Variants in SIGLEC1 observed in about 807,000 individuals in gnomAD.
SIGLEC1 encodes sialoadhesin.
Under a neutral mutation model 148.0 loss-of-function variants are expected in SIGLEC1, and 132 were observed. The observed-to-expected ratio is 0.89, with a 90% CI of 0.77 to 1.03. The LOEUF (loss-of-function observed/expected upper bound fraction) is 1.03, where lower values mean the gene tolerates loss of function less well. SIGLEC1 is among the 50% of genes least tolerant of loss of function. The pLI is 0.00. For synonymous variants in SIGLEC1, 945 were observed against 969.0 expected, an observed-to-expected ratio of 0.98 and a Z score of 0.46; for missense variants, 2,253 against 2,271.4, an observed-to-expected ratio of 0.99 and a Z score of 0.16.
Position 3,699,446 on chromosome 20 carries a change from G to A in SIGLEC1, c.1542C>T (p.Leu514=), listed in dbSNP as rs1169160416. 1.9e-6 allele frequency: 3 copies of A among 1,609,654 alleles called. No homozygotes were observed. The highest frequency in any genetic ancestry group is 3.4e-5 in the Admixed American group (2 of 59,522). The change falls in exon 8 of 22, where the codon CTC becomes CTT. Residue 514 remains leucine, a synonymous_variant. Transcript: ENST00000344754. ...LDFHANAARL[L]ISPAAEVVEG... is the part of the protein sequence containing the mutation. The stretch of plus-strand genomic sequence containing the variant: ...CCACCACCTCGGCTGCCGGGCTGAT[G>A]AGGAGACGGGCGGCTGCGGGGAGAG...
intron 1 of SIGLEC1, among the ~76,000 whole-genome samples, chr20:3,708,740 G>C (rs2087912522): frequency 6.6e-6 from 1 of 151,842 alleles, no homozygotes; most frequent in South Asian, 2.1e-4. Context: ...GACAGAGCAA[G>C]ACCCTGTCTG....
rs376814246 is a variant in SIGLEC1 at position 3,697,071 on chromosome 20, T to C, written c.2380+14A>G. 3 of 1,471,332 alleles carry C rather than the reference T, an allele frequency of 2.0e-6. No individual in the cohort carries two copies. In the African/African-American group the frequency reaches 4.3e-5, roughly 21 times the overall value. 91.1% of individuals were successfully genotyped at this position (1,471,332 alleles called of 1,614,324 possible). A position where few individuals can be genotyped will look rare whatever the true frequency, so the allele number is the denominator to read the frequency against. ...ACCCTCCAAGTCCCCAGGCTGCCCATGCCAGTCACCCACAGAGTACACTCA... is the reference window on the plus strand; with the variant it reads ...ACCCTCCAAGTCCCCAGGCTGCCCACGCCAGTCACCCACAGAGTACACTCA... On this transcript the variant is annotated intron_variant, in intron 10 of 21. Transcript: ENST00000344754.
At chr20:3,700,217 A>G (rs923562903) in intron 7 of SIGLEC1, among the ~76,000 whole-genome samples, 1 of 144,410 alleles carries the variant, frequency 6.9e-6, no homozygotes, top group Non-Finnish European at 1.5e-5. Flanking sequence ...TCCCAGGTTC[A>G]AGCAATTATC....
rs501538 is a variant in SIGLEC1, at chr20:3,696,710, T to C, written c.2559A>G (p.Lys853=). ...CTAACTTCAGGGAGTTGGCCTCAGC[T>C]TTAGCCTGGAACCGACCATGGGATG... is the stretch of plus-strand genomic sequence containing the variant. ...QVPSHGRFQA[K]AEANSLKLEV... The change falls in exon 11 of 22, where the codon AAA becomes AAG. Residue 853 remains lysine, a synonymous_variant. Coordinates refer to ENST00000344754, the MANE Select transcript of SIGLEC1 (RefSeq NM_023068.4). The C allele has an allele frequency of 0.99, 1,590,279 of 1,613,770 alleles. 783,623 individuals carry two copies. Among genetic ancestry groups the C allele is most frequent in the East Asian group, 1 (44,873 of 44,876 alleles).
intron 9 of SIGLEC1, 80 bp from the exon 10 acceptor site, chr20:3,697,422 C>T (rs1433818956): frequency 2.5e-6 from 4 of 1,575,650 alleles, no homozygotes; most frequent in African/African-American, 2.7e-5. Context: ...CTGGAAGGAG[C>T]AGGAAGGAGG....
intron 18 of SIGLEC1, among the ~76,000 whole-genome samples, chr20:3,690,778 G>A (rs2088750107): frequency 6.6e-6 from 1 of 151,946 alleles, no homozygotes; most frequent in Non-Finnish European, 1.5e-5. Context: ...TCGTGTGCCA[G>A]ACACACTCAG....
At position 3,712,461 on chromosome 20, in the gene SIGLEC1, CA is replaced by C. The variant is rs1447285211; in HGVS notation, c.-110+8del. 6.6e-6 allele frequency among the ~76,000 whole-genome samples: 1 copy of C among 151,112 alleles called. No homozygotes were observed. The highest frequency in any genetic ancestry group is 1.5e-5 in the Non-Finnish European group (1 of 67,788). Reference sequence around the variant, plus strand: ...ACCCTCTGGGCCCAGGGACCAGGGACAGGGGTACCTGCTCCACAGAAGGAAG... The same window carrying C: ...ACCCTCTGGGCCCAGGGACCAGGGACGGGGTACCTGCTCCACAGAAGGAAG... On this transcript the variant is annotated splice_region_variant and intron_variant, in intron 1 of 21. Transcript: ENST00000344754.
At chr20:3,701,791 A>T in intron 6 of SIGLEC1, 150 bp from the exon 7 acceptor site, 1 of 729,504 alleles carries the variant, frequency 1.4e-6, no homozygotes, top group Non-Finnish European at 2.1e-6. Flanking sequence ...TGCTGAATAC[A>T]CTTTTGTCCT....
At chr20:3,703,134 TG>T (rs773716468) in intron 6 of SIGLEC1, 62 bp downstream of exon 6, 33 of 1,604,734 alleles carry the variant, frequency 2.1e-5, no homozygotes, top group Non-Finnish European at 2.7e-5. Context: ...AACCCTTCCT[TG>T]GGGCTCCACC....
rs555421893 is a variant in SIGLEC1, at chr20:3,688,263, G to C, written c.*297C>G. ...GACTTTCGAGGAGAAGGATGTGAAA[G>C]GGCAGGGCTTCCTTTGAGGGAGAAA... On this transcript the variant is annotated 3_prime_UTR_variant, in exon 22 of 22. Transcript: ENST00000344754. The C allele has an allele frequency of 6.9e-4, 290 of 417,282 alleles. No individual in the cohort carries two copies. Among genetic ancestry groups the C allele is most frequent in the African/African-American group, 5.5e-3 (269 of 49,108 alleles). 25.8% of individuals were successfully genotyped at this position (417,282 alleles called of 1,614,324 possible). A position where few individuals can be genotyped will look rare whatever the true frequency, so the allele number is the denominator to read the frequency against.
intron 18 of SIGLEC1, 132 bp downstream of exon 18, chr20:3,691,208 G>T: frequency 9.0e-7 from 1 of 1,106,590 alleles, no homozygotes; most frequent in Non-Finnish European, 1.3e-6. Flanking sequence ...CAGACAGCGG[G>T]AGAGCCAGGA....
intron 8 of SIGLEC1, 75 bp from the exon 9 acceptor site, chr20:3,698,208 A>C: frequency 1.5e-6 from 2 of 1,295,474 alleles, no homozygotes; most frequent in Non-Finnish European, 2.1e-6. Flanking sequence ...GGCTCCCAGA[A>C]TACACTGGAC....
At chr20:3,706,218 C>T (rs1478075278) in intron 3 of SIGLEC1, 129 bp downstream of exon 3, 42 of 1,396,254 alleles carry the variant, frequency 3.0e-5, no homozygotes, top group Non-Finnish European at 3.7e-5. Context: ...GGGCCTACGC[C>T]GGGGCTGGAA....
At chr20:3,692,245 C>T (rs748350268) in intron 16 of SIGLEC1, 43 bp from the exon 17 acceptor site, 9 of 1,496,396 alleles carry the variant, frequency 6.0e-6, no homozygotes, top group Non-Finnish European at 8.0e-6. Flanking sequence ...GCTTAGGCAC[C>T]CTGTACTGCT....
intron 9 of SIGLEC1, 125 bp from the exon 10 acceptor site, chr20:3,697,467 C>A: frequency 8.3e-7 from 1 of 1,204,304 alleles, no homozygotes; most frequent in Non-Finnish European, 1.2e-6. Context: ...GGGAGAAAAG[C>A]AAGCTAGCTC....
chr20:3,689,751 T>G (rs1454756115), intron 19 of SIGLEC1, 49 bp from the exon 20 acceptor site: 1 of 1,496,312 alleles, frequency 6.7e-7, no homozygotes, highest in East Asian at 2.4e-5. Context: ...AGGCCCCCAG[T>G]GCTTCCTTCC....
Position 3,692,621 on chromosome 20 carries a change from TG to T in SIGLEC1, c.3929del (p.Ser1310TyrfsTer55). On this transcript the variant is annotated frameshift_variant, in exon 16 of 22. Transcript: ENST00000344754. LOFTEE classifies it high-confidence loss of function. ...CATGAGCCCGCGTGGCCACCAGGAATGAGAGTGAGGCAGCTGGACCCTCCTG... is the reference window on the plus strand; with the variant it reads ...CATGAGCCCGCGTGGCCACCAGGAATAGAGTGAGGCAGCTGGACCCTCCTG... ...WLQEGPAASLSFLVATRAHAG... is the reference protein window; with the variant it reads ...WLQEGPAASLXFLVATRAHAG... The T allele has an allele frequency of 3.7e-6, 6 of 1,612,736 alleles. No homozygotes were observed. The highest frequency in any genetic ancestry group is 5.1e-6 in the Non-Finnish European group (6 of 1,179,820).
At chr20:3,696,000 G>A (rs189008226) in intron 11 of SIGLEC1, among the ~76,000 whole-genome samples, 1 of 152,022 alleles carries the variant, frequency 6.6e-6, no homozygotes, top group East Asian at 1.9e-4. Context: ...TTAGTAGAGT[G>A]TTGGCCAGGC....
chr20:3,691,442 C>T lies in SIGLEC1; in HGVS notation c.4489G>A (p.Ala1497Thr), dbSNP rs780246801. Residue 1497 changes from alanine (A) to threonine (T), a missense_variant, in exon 18 of 22, where the codon GCC becomes ACC. Physicochemically the swap from Ala to Thr is moderately conservative, Grantham distance 58. Transcript: ENST00000344754. ...RLHAEPVPTLAFTHVARAQAG... is the reference protein window; with the variant it reads ...RLHAEPVPTLTFTHVARAQAG... ...TGAGCACGAGCCACGTGGGTGAAGG[C>T]GAGAGTGGGCACAGGCTCCGCGTGC... The T allele has an allele frequency of 1.2e-5, 19 of 1,613,288 alleles. No homozygotes were observed. The highest frequency in any genetic ancestry group is 6.7e-5 in the African/African-American group (5 of 75,078).
Sources: allele counts gnomAD v4.1 joint callset (sites outside exome capture counted in the v4.1 genomes callset), GRCh38; gene constraint gnomAD v4.1.1; transcripts MANE v1.5; gene names NCBI Gene and HGNC (gene_info 2026-07-23, HGNC 2026-07-21).